The following TOX variants were observed in gnomAD, a reference collection of about 807,000 sequenced individuals.
TOX encodes thymocyte selection-associated high mobility group box protein TOX.
TOX carries 11 observed loss-of-function variants against 53.7 expected under a neutral mutation model. The ratio of observed to expected loss-of-function variants is 0.20; its 90% CI spans 0.13 to 0.34. The LOEUF is 0.34. Among genes scored for constraint, TOX ranks in the 10% least tolerant of loss-of-function variants. The probability of loss-of-function intolerance (pLI) is 1.00; values close to 1 mark genes in which losing one functional copy is unlikely to be tolerated. For synonymous variants in TOX, 225 were observed against 245.3 expected, an observed-to-expected ratio of 0.92 and a Z score of 0.77; for missense variants, 570 against 664.6, an observed-to-expected ratio of 0.86 and a Z score of 1.56.
chr8:58,958,857 C>T (rs1194935890), intron 2 of TOX, among the ~76,000 whole-genome samples: 5 of 152,238 alleles, frequency 3.3e-5, no homozygotes, highest in Non-Finnish European at 7.4e-5. Flanking sequence ...TGCAGGCCTG[C>T]CTCTGTTTTG....
At chr8:58,912,083 T>C (rs543134994) in intron 3 of TOX, among the ~76,000 whole-genome samples, 43 of 152,328 alleles carry the variant, frequency 2.8e-4, no homozygotes, top group Non-Finnish European at 4.3e-4. Context: ...TTTCAGAGAG[T>C]ACCACTGAAA....
intron 1 of TOX, among the ~76,000 whole-genome samples, chr8:59,073,314 T>G (rs960114226): frequency 1.3e-5 from 2 of 152,188 alleles, no homozygotes; most frequent in Non-Finnish European, 2.9e-5. Context: ...TCCATAACCA[T>G]TGTAACTTAT....
chr8:58,815,144 C>A (rs746191290), intron 7 of TOX, among the ~76,000 whole-genome samples, 194 bp downstream of exon 7: 1 of 152,168 alleles, frequency 6.6e-6, no homozygotes, highest in Non-Finnish European at 1.5e-5. Context: ...TAATGCCACA[C>A]GAACTCACCA....
chr8:59,049,032 CCACTGACTCATTTT>C (rs1450534498), intron 1 of TOX, among the ~76,000 whole-genome samples: 1 of 152,070 alleles, frequency 6.6e-6, no homozygotes, highest in East Asian at 1.9e-4. Context: ...GCAATCTATT[CCACTGACTCATTTT>C]CAATGACAGT....
intron 3 of TOX, among the ~76,000 whole-genome samples, chr8:58,867,240 G>A (rs889319723): frequency 2.0e-5 from 3 of 152,062 alleles, no homozygotes; most frequent in Admixed American, 1.3e-4. Context: ...TAGGCCAGGG[G>A]TATTTTAGTT....
At position 59,024,756 on chromosome 8, in the gene TOX, G is replaced by GA. The variant is rs374132580; in HGVS notation, c.103-64749dup. On this transcript the variant is annotated intron_variant, in intron 1 of 8. Transcript: ENST00000361421. ...TGTGCTTGTCTTTACCCCCGAAAAA[G>GA]AAAAAAAAAAGTGTCTGAGCTCTGG... Among the ~76,000 whole-genome samples, 1,417 of 146,106 alleles carry GA rather than the reference G, an allele frequency of 9.7e-3. 12 individuals carry two copies. Among genetic ancestry groups the GA allele is most frequent in the Non-Finnish European group, 0.014 (904 of 66,088 alleles).
intron 3 of TOX, among the ~76,000 whole-genome samples, chr8:58,862,972 A>AT (rs1481336772): frequency 6.6e-6 from 1 of 152,154 alleles, no homozygotes; most frequent in Admixed American, 6.5e-5. Context: ...CCTCTCAACT[A>AT]ATAATAAGGT....
chr8:59,069,003 T>C (rs1054830504), intron 1 of TOX, among the ~76,000 whole-genome samples: 19 of 152,070 alleles, frequency 1.2e-4, no homozygotes, highest in African/African-American at 4.1e-4. Flanking sequence ...TCACGATGGA[T>C]TGAAACAGCA....
intron 1 of TOX, among the ~76,000 whole-genome samples, chr8:59,022,126 A>G (rs563011478): frequency 6.6e-6 from 1 of 152,210 alleles, no homozygotes; most frequent in East Asian, 1.9e-4. Context: ...GTGTTTATGA[A>G]CCATCATGAT....
intron 1 of TOX, among the ~76,000 whole-genome samples, chr8:59,002,323 T>C (rs149661615): frequency 0.056 from 8,190 of 146,360 alleles, 278 homozygotes; most frequent in South Asian, 0.11. Flanking sequence ...CCGGGCACAG[T>C]GGCTCACGCC....
chr8:59,076,168 A>C (rs1804289926), intron 1 of TOX, among the ~76,000 whole-genome samples: 1 of 152,226 alleles, frequency 6.6e-6, no homozygotes, highest in Non-Finnish European at 1.5e-5. Flanking sequence ...GTGAGGATAC[A>C]AATGATTTAG....
At position 58,970,203 on chromosome 8, in the gene TOX, T is replaced by A. The variant is rs1380961612; in HGVS notation, c.103-10195A>T. ...TTGTTTTACCAGTAAGAAAACTGAGTCCTGGAGAATTAAGTTTTAAATATT... is the reference window on the plus strand; with the variant it reads ...TTGTTTTACCAGTAAGAAAACTGAGACCTGGAGAATTAAGTTTTAAATATT... On this transcript the variant is annotated intron_variant, in intron 1 of 8. Transcript: ENST00000361421. 2.0e-5 allele frequency among the ~76,000 whole-genome samples: 3 copies of A among 152,076 alleles called. No individual in the cohort carries two copies. In the East Asian group the frequency reaches 5.8e-4, roughly 29 times the overall value.
At position 58,818,890 on chromosome 8, in the gene TOX, G is replaced by T. The variant is rs111638728; in HGVS notation, c.1006-3166C>A. Among the ~76,000 whole-genome samples the T allele has an allele frequency of 0.022, 3,421 of 152,242 alleles. 225 individuals carry two copies. In the East Asian group the frequency reaches 0.25, roughly 11 times the overall value. On this transcript the variant is annotated intron_variant, in intron 6 of 8. Transcript: ENST00000361421. ...TGGTCTTGGGGGAATGGCAGTAGCAGGGCAGCTAGTTCAGTCTCACCCATA... is the reference window on the plus strand; with the variant it reads ...TGGTCTTGGGGGAATGGCAGTAGCATGGCAGCTAGTTCAGTCTCACCCATA...
intron 5 of TOX, 31 bp downstream of exon 5, chr8:58,838,050 G>A (rs1810576383): frequency 6.3e-7 from 1 of 1,599,792 alleles, no homozygotes. Context: ...CTCAGCTTAT[G>A]TAGATTCCCA....
intron 1 of TOX, among the ~76,000 whole-genome samples, chr8:59,089,631 C>T (rs538038069): frequency 7.1e-4 from 108 of 152,342 alleles, no homozygotes; most frequent in African/African-American, 2.4e-3. Flanking sequence ...TGCTCTGTCA[C>T]CTAGGCTGGA....
chr8:59,093,246 A>T (rs1188847556), intron 1 of TOX, among the ~76,000 whole-genome samples: 2 of 152,136 alleles, frequency 1.3e-5, no homozygotes, highest in Non-Finnish European at 2.9e-5. Flanking sequence ...GTTCTTTGTT[A>T]TGCCCAAGTT....
At chr8:58,932,895 G>A (rs144994742) in intron 3 of TOX, among the ~76,000 whole-genome samples, 91 of 152,208 alleles carry the variant, frequency 6.0e-4, no homozygotes, top group African/African-American at 2.2e-3. Flanking sequence ...CAATAAATCT[G>A]AGTATATACA....
chr8:58,994,826 T>G (rs1813528674), intron 1 of TOX, among the ~76,000 whole-genome samples: 1 of 152,100 alleles, frequency 6.6e-6, no homozygotes, highest in Non-Finnish European at 1.5e-5. Flanking sequence ...CCTGACAGGG[T>G]GGGATGCGGC....
At chr8:58,975,186 ATG>A (rs985248057) in intron 1 of TOX, among the ~76,000 whole-genome samples, 7 of 150,398 alleles carry the variant, frequency 4.7e-5, no homozygotes, top group African/African-American at 1.5e-4. Flanking sequence ...ATATGTATAT[ATG>A]TGTGTGTATA....
Sources: allele counts gnomAD v4.1 joint callset (sites outside exome capture counted in the v4.1 genomes callset), GRCh38; gene constraint gnomAD v4.1.1; transcripts MANE v1.5; gene names NCBI Gene and HGNC (gene_info 2026-07-23, HGNC 2026-07-21).